The following ERI1 variants were observed in gnomAD, a reference collection of about 807,000 sequenced individuals.
ERI1 encodes exoribonuclease 1, also known as 3'-5' exoribonuclease 1.
In ERI1, 39 loss-of-function variants were observed where a neutral mutation model predicts 39.7. The observed-to-expected ratio is 0.98, with a 90% CI of 0.76 to 1.28. ERI1 has a LOEUF of 1.28. ERI1 is among the 50% of genes most tolerant of loss of function. ERI1 has a pLI of 0.00. For synonymous variants in ERI1, 204 were observed against 149.6 expected (o/e 1.36, Z -2.65); for missense variants, 581 against 416.9 (o/e 1.39, Z -3.43).
intron 6 of ERI1, among the ~76,000 whole-genome samples, chr8:9,025,702 T>TTTGTGTGTG (rs1554519271): frequency 3.4e-5 from 5 of 147,870 alleles, no homozygotes; most frequent in African/African-American, 1.2e-4. Context: ...TCTTTTTTTT[T>TTTGTGTGTG]TGTGTGTGTG....
rs74903006 is a variant in ERI1, at chr8:9,040,373, T to G, written n.299+19909T>G. 9.1e-3 allele frequency among the ~76,000 whole-genome samples: 1,380 copies of G among 152,324 alleles called. 24 individuals carry two copies. The highest frequency in any genetic ancestry group is 0.032 in the African/African-American group (1,316 of 41,570). ...CTAAGGCCTTAAGCTGACTTGAGAC[T>G]TTCCGGGTGGTAGGAGGCTTCTGCT... is the stretch of plus-strand genomic sequence containing the variant. On this transcript the variant is annotated intron_variant and non_coding_transcript_variant, in intron 3 of 3. Coordinates refer to the ERI1 transcript ENST00000518663.
chr8:9,012,236 C>T (rs1173634505), intron 3 of ERI1, among the ~76,000 whole-genome samples: 2 of 152,140 alleles, frequency 1.3e-5, no homozygotes, highest in African/African-American at 2.4e-5. Flanking sequence ...ACTTTTGAAC[C>T]TCTCTCTCTG....
At chr8:9,055,037 G>A (rs1477349783) in intron 3 of ERI1, among the ~76,000 whole-genome samples, 1 of 152,194 alleles carries the variant, frequency 6.6e-6, no homozygotes, top group Non-Finnish European at 1.5e-5. Context: ...ACATTTAACA[G>A]AGTTTAATTG....
intron 3 of ERI1, among the ~76,000 whole-genome samples, chr8:9,058,885 C>G (rs944113102): frequency 1.3e-5 from 2 of 151,428 alleles, no homozygotes; most frequent in African/African-American, 2.4e-5. Flanking sequence ...TATCTTTGGC[C>G]TTTTTAACCG....
intron 3 of ERI1, among the ~76,000 whole-genome samples, chr8:9,090,490 C>G (rs921397924): frequency 2.0e-5 from 3 of 152,168 alleles, no homozygotes; most frequent in African/African-American, 7.2e-5. Context: ...GGAAAAAAAT[C>G]TACATGACCA....
At chr8:9,076,808 G>T (rs1364213653) in intron 3 of ERI1, among the ~76,000 whole-genome samples, 5 of 152,238 alleles carry the variant, frequency 3.3e-5, no homozygotes, top group Non-Finnish European at 7.3e-5. Context: ...GCGGGGATGT[G>T]TGTTCTCCTG....
chr8:9,009,676 A>G (rs1816458589), intron 2 of ERI1, among the ~76,000 whole-genome samples: 1 of 152,044 alleles, frequency 6.6e-6, no homozygotes, highest in Non-Finnish European at 1.5e-5. Flanking sequence ...AGTAGCTCGG[A>G]TTACAGGCAT....
intron 1 of ERI1, among the ~76,000 whole-genome samples, chr8:9,006,598 A>C (rs1158822377): frequency 6.6e-6 from 1 of 152,198 alleles, no homozygotes; most frequent in Non-Finnish European, 1.5e-5. Context: ...ATTTTTTGTA[A>C]AATTCTGGTC....
At chr8:9,006,435 T>C (rs1816028228) in intron 1 of ERI1, among the ~76,000 whole-genome samples, 1 of 152,240 alleles carries the variant, frequency 6.6e-6, no homozygotes, top group African/African-American at 2.4e-5. Flanking sequence ...AAAGAGGATT[T>C]ATCCAAAGAG....
At chr8:9,087,717 A>T (rs1799575451) in intron 3 of ERI1, among the ~76,000 whole-genome samples, 1 of 152,216 alleles carries the variant, frequency 6.6e-6, no homozygotes, top group South Asian at 2.1e-4. Flanking sequence ...TTTCTGCTCA[A>T]GTTGACATAA....
rs184047211 is a variant in ERI1, at chr8:9,082,759, G to A, written n.300-33589G>A. Among the ~76,000 whole-genome samples the A allele has an allele frequency of 6.5e-3, 982 of 152,232 alleles. 48 individuals are homozygous for A. The highest frequency in any genetic ancestry group is 1.3e-3 in the Non-Finnish European group (86 of 68,016). ...AAGTCCACCCTTGAACCTATCTAAC[G>A]TCTAGGAGAAAGTCTTTCTAGAAAC... On this transcript the variant is annotated intron_variant and non_coding_transcript_variant, in intron 3 of 3. Transcript: ENST00000518663.
At chr8:9,068,515 T>C (rs575509289) in intron 3 of ERI1, among the ~76,000 whole-genome samples, 1 of 152,186 alleles carries the variant, frequency 6.6e-6, no homozygotes, top group Non-Finnish European at 1.5e-5. Flanking sequence ...GACTGTCTTA[T>C]GAATGCTGAG....
intron 3 of ERI1, among the ~76,000 whole-genome samples, chr8:9,038,748 C>G (rs1186351444): frequency 6.6e-6 from 1 of 152,118 alleles, no homozygotes; most frequent in African/African-American, 2.4e-5. Context: ...GAAGTTTCTT[C>G]TATATTTACT....
At chr8:9,090,407 A>C (rs896407438) in intron 3 of ERI1, among the ~76,000 whole-genome samples, 3 of 152,196 alleles carry the variant, frequency 2.0e-5, no homozygotes, top group Admixed American at 6.5e-5. Flanking sequence ...CAGCCAAAGG[A>C]AATAATCAGC....
At chr8:9,022,329 T>C (rs956973547) in intron 6 of ERI1, among the ~76,000 whole-genome samples, 2 of 152,232 alleles carry the variant, frequency 1.3e-5, no homozygotes, top group African/African-American at 4.8e-5. Context: ...TTTACTGGTC[T>C]ATAGATTTTT....
At chr8:9,064,162 G>C (rs1429130925) in intron 3 of ERI1, among the ~76,000 whole-genome samples, 2 of 150,764 alleles carry the variant, frequency 1.3e-5, no homozygotes, top group African/African-American at 4.9e-5. Flanking sequence ...AAGAGATCGG[G>C]GCATGGAAAT....
intron 3 of ERI1, among the ~76,000 whole-genome samples, chr8:9,056,220 C>G (rs1307601472): frequency 1.3e-5 from 2 of 152,254 alleles, no homozygotes; most frequent in South Asian, 2.1e-4. Context: ...AAGACACTGT[C>G]TCTGCGGATT....
At chr8:9,050,705 T>C (rs1798330114) in intron 3 of ERI1, among the ~76,000 whole-genome samples, 1 of 152,022 alleles carries the variant, frequency 6.6e-6, no homozygotes, top group African/African-American at 2.4e-5. Context: ...TGAGTCAGAG[T>C]TACGGAAGGA....
At chr8:9,052,108 A>G (rs1206176253) in intron 3 of ERI1, among the ~76,000 whole-genome samples, 1 of 152,212 alleles carries the variant, frequency 6.6e-6, no homozygotes, top group Non-Finnish European at 1.5e-5. Flanking sequence ...AGTAAATGTT[A>G]GCCGTTATTG....
Sources: allele counts gnomAD v4.1 joint callset (sites outside exome capture counted in the v4.1 genomes callset), GRCh38; gene constraint gnomAD v4.1.1; transcripts MANE v1.5; gene names NCBI Gene and HGNC (gene_info 2026-07-23, HGNC 2026-07-21).